RBFOX1: variants seen among roughly 807,000 people sequenced by gnomAD.
RBFOX1 encodes the protein RNA binding fox-1 homolog 1.
Under a neutral mutation model 57.7 loss-of-function variants are expected in RBFOX1, and 8 were observed. That is an observed-to-expected ratio of 0.14 (90% confidence interval 0.08 to 0.25). RBFOX1 has a LOEUF of 0.25. Ranked by LOEUF, RBFOX1 falls within the 10% of genes least tolerant of loss-of-function variation. RBFOX1 has a pLI of 1.00. For synonymous variants in RBFOX1, 326 were observed against 222.4 expected (o/e 1.47, Z -4.15); for missense variants, 611 against 548.5 (o/e 1.11, Z -1.14).
intron 3 of RBFOX1, among the ~76,000 whole-genome samples, chr16:6,868,452 A>G (rs1308885741): frequency 6.6e-6 from 1 of 151,630 alleles, no homozygotes; most frequent in Non-Finnish European, 1.5e-5. Flanking sequence ...AGTCACATTC[A>G]AGCCAGTGTT....
intron 3 of RBFOX1, among the ~76,000 whole-genome samples, chr16:6,924,613 A>G (rs2075179532): frequency 6.6e-6 from 1 of 152,134 alleles, no homozygotes; most frequent in African/African-American, 2.4e-5. Context: ...CTGCAAAATA[A>G]TGAGGTGCAA....
intron 1 of RBFOX1, chr16:5,270,685 A>C: frequency 1.9e-6 from 1 of 524,670 alleles, no homozygotes. Flanking sequence ...GTTGGAAATC[A>C]TGACCTGAGA....
intron 2 of RBFOX1, among the ~76,000 whole-genome samples, chr16:6,543,927 T>C (rs2096859064): frequency 6.6e-6 from 1 of 152,118 alleles, no homozygotes; most frequent in African/African-American, 2.4e-5. Flanking sequence ...ATTTGGGGAA[T>C]AAAAAGTATA....
Position 6,479,966 on chromosome 16 carries a change from G to A in RBFOX1, c.-64+162909G>A, listed in dbSNP as rs377580096. 1.9e-4 allele frequency among the ~76,000 whole-genome samples: 28 copies of A among 150,244 alleles called. No homozygotes were observed. The East Asian group carries it at 4.0e-3, about 21-fold the overall frequency. Reference sequence around the variant, plus strand: ...CTCGGGAGGCTGAGGCACAAGAATTGCTTAAACCCAGGGGCAGAGGTTGCA... The same window carrying A: ...CTCGGGAGGCTGAGGCACAAGAATTACTTAAACCCAGGGGCAGAGGTTGCA... On this transcript the variant is annotated intron_variant, in intron 2 of 15. Coordinates refer to ENST00000550418, the MANE Select transcript of RBFOX1 (RefSeq NM_018723.4).
intron 2 of RBFOX1, among the ~76,000 whole-genome samples, chr16:5,574,137 G>A (rs1045343855): frequency 1.3e-5 from 2 of 152,168 alleles, no homozygotes; most frequent in African/African-American, 4.8e-5. Context: ...AATCTTAGAA[G>A]GGCAGAATTT....
At chr16:7,092,381 T>C (rs2061002265) in intron 4 of RBFOX1, among the ~76,000 whole-genome samples, 2 of 152,254 alleles carry the variant, frequency 1.3e-5, no homozygotes, top group South Asian at 4.1e-4. Context: ...GGAAATACTC[T>C]GTTTCAAAAA....
intron 2 of RBFOX1, among the ~76,000 whole-genome samples, chr16:6,465,421 A>G (rs1333249550): frequency 2.0e-5 from 3 of 152,130 alleles, no homozygotes; most frequent in African/African-American, 4.8e-5. Flanking sequence ...TTTAGTGGCT[A>G]TCTTGCATGT....
intron 1 of RBFOX1, among the ~76,000 whole-genome samples, chr16:5,423,623 G>A (rs529569538): frequency 3.3e-5 from 5 of 152,180 alleles, no homozygotes; most frequent in East Asian, 3.9e-4. Context: ...GAGCAGGGGC[G>A]GCCCATCCTG....
chr16:6,380,033 T>G (rs868447017), intron 2 of RBFOX1, among the ~76,000 whole-genome samples: 1 of 151,812 alleles, frequency 6.6e-6, no homozygotes, highest in African/African-American at 2.4e-5. Context: ...AAAGAGCAAG[T>G]TGGGGTGTAA....
intron 2 of RBFOX1, among the ~76,000 whole-genome samples, chr16:6,335,654 T>C (rs1443116143): frequency 6.6e-6 from 1 of 150,770 alleles, no homozygotes; most frequent in Non-Finnish European, 1.5e-5. Flanking sequence ...GACGCGCGCC[T>C]GTAACCCCAG....
chr16:7,094,106 A>G (rs1174235631), intron 4 of RBFOX1, among the ~76,000 whole-genome samples: 3 of 150,842 alleles, frequency 2.0e-5, no homozygotes, highest in African/African-American at 7.3e-5. Flanking sequence ...TCTCTTCTTC[A>G]TTTTACATTT....
intron 5 of RBFOX1, among the ~76,000 whole-genome samples, chr16:7,533,118 A>G (rs1340817772): frequency 6.6e-6 from 1 of 152,238 alleles, no homozygotes; most frequent in Non-Finnish European, 1.5e-5. Context: ...GTAGGGTTTT[A>G]CCAAGTGTAC....
chr16:5,473,509 G>A (rs934794403), intron 2 of RBFOX1, among the ~76,000 whole-genome samples: 1 of 151,996 alleles, frequency 6.6e-6, no homozygotes, highest in Non-Finnish European at 1.5e-5. Context: ...GTACTTAGTA[G>A]AGAGTAGATA....
intron 4 of RBFOX1, among the ~76,000 whole-genome samples, chr16:7,237,049 G>T (rs1378901023): frequency 2.0e-5 from 3 of 152,204 alleles, no homozygotes; most frequent in African/African-American, 7.2e-5. Context: ...CAGCAAGAGA[G>T]GAATTCAGGA....
At chr16:7,196,784 G>A (rs924668387) in intron 4 of RBFOX1, among the ~76,000 whole-genome samples, 1 of 152,074 alleles carries the variant, frequency 6.6e-6, no homozygotes, top group Admixed American at 6.6e-5. Context: ...TTTTGAGGAT[G>A]GGTGGGAATT....
At chr16:5,418,493 G>A (rs1048914274) in intron 1 of RBFOX1, among the ~76,000 whole-genome samples, 3 of 152,150 alleles carry the variant, frequency 2.0e-5, no homozygotes, top group African/African-American at 7.2e-5. Context: ...ACAGAGGGCA[G>A]GCCTGAATTC....
intron 5 of RBFOX1, among the ~76,000 whole-genome samples, chr16:7,540,676 C>A (rs946361593): frequency 6.6e-6 from 1 of 152,094 alleles, no homozygotes; most frequent in Non-Finnish European, 1.5e-5. Context: ...CAGGCTTAAC[C>A]GTTAGTACTT....
chr16:6,309,224 G>A (rs186723952), intron 1 of RBFOX1, among the ~76,000 whole-genome samples: 1 of 151,892 alleles, frequency 6.6e-6, no homozygotes, highest in Middle Eastern at 3.2e-3. Context: ...CTAAAGTTTG[G>A]AGCCAACTAA....
intron 2 of RBFOX1, among the ~76,000 whole-genome samples, chr16:6,575,140 C>T (rs902047733): frequency 6.6e-6 from 1 of 151,674 alleles, no homozygotes; most frequent in African/African-American, 2.4e-5. Flanking sequence ...GGACAGATTA[C>T]GACACGTTGT....
Sources: allele counts gnomAD v4.1 joint callset (sites outside exome capture counted in the v4.1 genomes callset), GRCh38; gene constraint gnomAD v4.1.1; transcripts MANE v1.5; gene names NCBI Gene and HGNC (gene_info 2026-07-23, HGNC 2026-07-21).